SFT2D2: variants seen among roughly 807,000 people sequenced by gnomAD.
The protein encoded by SFT2D2 is SFT2 domain containing 2, also known as vesicle transport protein SFT2B.
SFT2D2 carries 21 observed loss-of-function variants against 27.4 expected under a neutral mutation model. The observed-to-expected ratio is 0.77, with a 90% CI of 0.54 to 1.10. The LOEUF (loss-of-function observed/expected upper bound fraction) is 1.10. Among genes scored for constraint, SFT2D2 ranks in the 50% least tolerant of loss-of-function variants. The pLI is 0.00. For synonymous variants in SFT2D2, 72 were observed against 71.7 expected (o/e 1.00, Z -0.02); for missense variants, 187 against 194.2 (o/e 0.96, Z 0.22).
In SFT2D2 at chr1:168,231,569, G is replaced by C; in HGVS notation, c.119G>C (p.Cys40Ser). The C allele has an allele frequency of 1.2e-6, 2 of 1,613,992 alleles. No individual in the cohort carries two copies. Among genetic ancestry groups the C allele is most frequent in the East Asian group, 4.5e-5 (2 of 44,874 alleles). ...ACCAGGATAAAAGGCTTCATTGCGT[G>C]TTTTGCTATAGGAATTCTCTGCTCA... ...WSTRIKGFIACFAIGILCSLL... is the reference protein window; with the variant it reads ...WSTRIKGFIASFAIGILCSLL... Residue 40 changes from cysteine to serine, a missense_variant, in exon 2 of 8, where the codon TGT (cysteine) becomes TCT (serine). Coordinates refer to ENST00000271375, the MANE Select transcript of SFT2D2 (RefSeq NM_199344.3).
intron 1 of SFT2D2, among the ~76,000 whole-genome samples, chr1:168,227,601 G>A (rs1424938641): frequency 2.6e-5 from 4 of 152,110 alleles, no homozygotes; most frequent in Admixed American, 2.6e-4. Context: ...TTTATTAATT[G>A]GTCAAGGCTC....
intron 7 of SFT2D2, among the ~76,000 whole-genome samples, chr1:168,241,213 T>TTTTTTC (rs1365906388): frequency 7.0e-6 from 1 of 143,410 alleles, no homozygotes; most frequent in East Asian, 2.0e-4. Flanking sequence ...TTCTTTTTTT[T>TTTTTTC]TTTTTTTTTT....
In SFT2D2 at chr1:168,226,488, G is replaced by A. The variant is rs529316659; in HGVS notation, c.63+346G>A. Among the ~76,000 whole-genome samples, 11 of 152,304 alleles carry A rather than the reference G, an allele frequency of 7.2e-5. No individual in the cohort carries two copies. In the South Asian group the frequency reaches 1.4e-3, roughly 20 times the overall value. On this transcript the variant is annotated intron_variant, in intron 1 of 7. Transcript: ENST00000271375. The stretch of plus-strand genomic sequence containing the variant: ...GCTTTAGGGCCGGGTAGGGCTGGGG[G>A]CCCCGAGGTCCAGGCGGAAGGAGCC...
Sources: gnomAD v4.1 joint callset for allele counts (sites outside exome capture counted in the v4.1 genomes callset) on GRCh38, gnomAD v4.1.1 for gene constraint, MANE v1.5 for transcripts, NCBI Gene and HGNC (gene_info 2026-07-23, HGNC 2026-07-21) for gene names.